Variants in CACNA1S observed in about 807,000 individuals in gnomAD.
CACNA1S encodes the protein voltage-dependent L-type calcium channel subunit alpha-1S.
A neutral mutation model predicts 207.4 loss-of-function variants in CACNA1S; 126 were observed. The observed-to-expected ratio is 0.61, with a 90% CI of 0.53 to 0.70. The LOEUF is 0.70. Ranked by LOEUF, CACNA1S falls within the 30% of genes least tolerant of loss-of-function variation. CACNA1S has a pLI of 0.00. For synonymous variants in CACNA1S, 960 were observed against 932.7 expected, an observed-to-expected ratio of 1.03 and a Z score of -0.53; for missense variants, 2,349 against 2,422.8, an observed-to-expected ratio of 0.97 and a Z score of 0.64.
intron 28 of CACNA1S, 34 bp downstream of exon 28, chr1:201,058,374 A>C (rs750377177): frequency 3.2e-6 from 5 of 1,574,796 alleles, no homozygotes; most frequent in Non-Finnish European, 4.4e-6. Flanking sequence ...TCTTGGGCCC[A>C]CCCTAGTGAT....
chr1:201,086,893 G>A (rs1662055540), intron 7 of CACNA1S, among the ~76,000 whole-genome samples: 1 of 152,126 alleles, frequency 6.6e-6, no homozygotes, highest in African/African-American at 2.4e-5. Context: ...ATAGCACTGT[G>A]GTTTGTTGCC....
intron 5 of CACNA1S, among the ~76,000 whole-genome samples, chr1:201,089,945 G>A (rs1350016242): frequency 1.3e-5 from 2 of 152,198 alleles, no homozygotes; most frequent in Non-Finnish European, 2.9e-5. Flanking sequence ...CTGCACTCAG[G>A]GGAAGTTCCC....
intron 14 of CACNA1S, 47 bp from the exon 15 acceptor site, chr1:201,073,689 G>T: frequency 6.8e-7 from 1 of 1,460,058 alleles, no homozygotes. Flanking sequence ...AAGTTCTCAG[G>T]GATCTGCTGA....
At position 201,085,556 on chromosome 1, in the gene CACNA1S, C is replaced by A. The variant is rs757569333; in HGVS notation, c.1030G>T (p.Ala344Ser). The change falls in exon 8 of 44, where the codon GCC becomes TCC. Residue 344 changes from alanine to serine, a missense_variant. Transcript: ENST00000362061. Reference protein sequence around the residue: ...SGEFTKEREKAKSRGTFQKLR... With the variant: ...SGEFTKEREKSKSRGTFQKLR... ...TTCTGGAAGGTTCCCCTGGACTTGG[C>A]CTTCTCCCGCTCCTTGGTGAATTCC... 1 of 1,613,554 alleles carries A rather than the reference C, an allele frequency of 6.2e-7. No individual in the cohort carries two copies. The highest frequency in any genetic ancestry group is 1.7e-5 in the Admixed American group (1 of 59,948).
intron 35 of CACNA1S, 37 bp downstream of exon 35, chr1:201,048,966 C>T: frequency 6.5e-7 from 1 of 1,527,252 alleles, no homozygotes; most frequent in Non-Finnish European, 9.1e-7. Context: ...GACTCTTCCC[C>T]TCCCTGGGGC....
chr1:201,108,105 ATTTTT>A (rs61596637), intron 2 of CACNA1S, among the ~76,000 whole-genome samples: 6 of 138,842 alleles, frequency 4.3e-5, no homozygotes, highest in African/African-American at 1.6e-4. Flanking sequence ...TTAAGATGTA[ATTTTT>A]TTTTTTTTTT....
At chr1:201,097,654 G>C (rs763383328) in intron 2 of CACNA1S, among the ~76,000 whole-genome samples, 16 of 152,178 alleles carry the variant, frequency 1.1e-4, no homozygotes, top group Non-Finnish European at 1.9e-4. Flanking sequence ...GTTTCTAACT[G>C]TGGGGATTCT....
intron 26 of CACNA1S, 76 bp from the exon 27 acceptor site, chr1:201,059,375 C>G: frequency 1.1e-6 from 1 of 870,168 alleles, no homozygotes; most frequent in South Asian, 1.5e-5. Context: ...CCCAGAGCCC[C>G]TGCCTCTTCC....
intron 38 of CACNA1S, among the ~76,000 whole-genome samples, chr1:201,045,709 TG>T: frequency 2.4e-5 from 3 of 123,254 alleles, no homozygotes; most frequent in Non-Finnish European, 4.7e-5. Flanking sequence ...CACTCCAGCC[TG>T]GGCGACAGCG....
At chr1:201,085,076 T>G in intron 8 of CACNA1S, 45 bp from the exon 9 acceptor site, 1 of 1,380,990 alleles carries the variant, frequency 7.2e-7, no homozygotes, top group Non-Finnish European at 1.0e-6. Context: ...GGGGCCCCTC[T>G]GGGCTGGACA....
rs955870765 is a variant in CACNA1S at position 201,047,149 on chromosome 1, C to A, written c.4634G>T (p.Gly1545Val). The A allele has an allele frequency of 5.0e-6, 8 of 1,614,050 alleles. No individual in the cohort carries two copies. The highest frequency in any genetic ancestry group is 6.8e-6 in the Non-Finnish European group (8 of 1,180,042). Residue 1545 changes from glycine to valine, a missense_variant, in exon 38 of 44, where the codon GGC (glycine) becomes GTC (valine). Physicochemically the swap from Gly to Val is moderately radical, Grantham distance 109 (BLOSUM62 -3). Coordinates refer to ENST00000362061, the MANE Select transcript of CACNA1S (RefSeq NM_000069.3). Reference protein sequence around the residue: ...KFMKRQEEYYGYRPKKDIVQI... With the variant: ...KFMKRQEEYYVYRPKKDIVQI... ...TACAATGTCCTTCTTGGGCCGATAG[C>A]CATAATACTCCTCTTGGCGTTTCAT...
chr1:201,067,068 C>A, intron 19 of CACNA1S, 75 bp from the exon 20 acceptor site: 1 of 964,804 alleles, frequency 1.0e-6, no homozygotes, highest in Non-Finnish European at 1.7e-6. Context: ...AAGGGCTTCT[C>A]GCCTCTGCTC....
chr1:201,083,187 CTGGT>C lies in CACNA1S; in HGVS notation c.1364_1367del (p.Asn455SerfsTer5). On this transcript the variant is annotated frameshift_variant, in exon 10 of 44. Coordinates refer to ENST00000362061, the MANE Select transcript of CACNA1S (RefSeq NM_000069.3). LOFTEE classifies it high-confidence loss of function. ...CTTGCAAACGGGTCAGCCAGAGAGGCTGGTTGTGGTGCTCTGAGGCGATAGACAG... is the reference window on the plus strand; with the variant it reads ...CTTGCAAACGGGTCAGCCAGAGAGGCTGTGGTGCTCTGAGGCGATAGACAG... 1.9e-6 allele frequency: 3 copies of C among 1,614,168 alleles called. No homozygotes were observed. Among genetic ancestry groups the C allele is most frequent in the Non-Finnish European group, 1.7e-6 (2 of 1,180,042 alleles).
At chr1:201,101,533 C>T (rs759226581) in intron 2 of CACNA1S, among the ~76,000 whole-genome samples, 8 of 152,224 alleles carry the variant, frequency 5.3e-5, no homozygotes, top group African/African-American at 9.6e-5. Context: ...GCAGGGGTCC[C>T]GGCTGGGGCA....
chr1:201,082,567 C>T (rs1661875839), intron 10 of CACNA1S, among the ~76,000 whole-genome samples: 1 of 152,222 alleles, frequency 6.6e-6, no homozygotes, highest in Admixed American at 6.5e-5. Flanking sequence ...AGCATCTCTT[C>T]TGTGATTCTC....
intron 2 of CACNA1S, among the ~76,000 whole-genome samples, chr1:201,101,503 T>C (rs1214571560): frequency 2.0e-5 from 3 of 152,216 alleles, no homozygotes; most frequent in Non-Finnish European, 4.4e-5. Context: ...ACACAGGGGC[T>C]CGGCACCTCT....
intron 40 of CACNA1S, 96 bp downstream of exon 40, chr1:201,043,185 A>C: frequency 9.9e-5 from 143 of 1,441,758 alleles, no homozygotes; most frequent in Middle Eastern, 1.7e-4. Context: ...AAGACACCCT[A>C]CAAATTTGGG....
intron 33 of CACNA1S, 40 bp downstream of exon 33, chr1:201,050,944 C>T (rs1490751955): frequency 3.1e-6 from 5 of 1,610,506 alleles, no homozygotes; most frequent in Non-Finnish European, 4.2e-6. Context: ...CTCAGCTTAT[C>T]AAAGCCCTCT....
intron 16 of CACNA1S, among the ~76,000 whole-genome samples, chr1:201,071,106 G>A (rs1251283989): frequency 6.6e-6 from 1 of 152,098 alleles, no homozygotes; most frequent in Non-Finnish European, 1.5e-5. Flanking sequence ...CTCCCAGGGT[G>A]GGAGAATCCC....
Sources: allele counts gnomAD v4.1 joint callset (sites outside exome capture counted in the v4.1 genomes callset), GRCh38; gene constraint gnomAD v4.1.1; transcripts MANE v1.5; gene names NCBI Gene and HGNC (gene_info 2026-07-23, HGNC 2026-07-21).